TENM2: variants seen among roughly 807,000 people sequenced by gnomAD.
TENM2 encodes teneurin transmembrane protein 2.
Under a neutral mutation model 245.2 loss-of-function variants are expected in TENM2, and 52 were observed. The ratio of observed to expected loss-of-function variants is 0.21; its 90% CI spans 0.17 to 0.27. The LOEUF is 0.27. Among genes scored for constraint, TENM2 ranks in the 10% least tolerant of loss-of-function variants. The pLI, the probability that TENM2 is intolerant of heterozygous loss-of-function variation, is 1.00. For synonymous variants in TENM2, 1,363 were observed against 1,438.9 expected (o/e 0.95, Z 1.19); for missense variants, 3,046 against 3,666.8 (o/e 0.83, Z 4.37).
At chr5:167,518,328 C>A (rs1770533014) in intron 2 of TENM2, among the ~76,000 whole-genome samples, 1 of 152,084 alleles carries the variant, frequency 6.6e-6, no homozygotes, top group African/African-American at 2.4e-5. Context: ...ATCCCCAAAT[C>A]AAAACTTACC....
At chr5:167,688,699 A>G (rs1757233300) in intron 2 of TENM2, among the ~76,000 whole-genome samples, 2 of 152,232 alleles carry the variant, frequency 1.3e-5, no homozygotes, top group Admixed American at 1.3e-4. Context: ...TTTCTGTAGC[A>G]GTTTTTACAT....
chr5:167,089,281 T>A, the TENM2 span, among the ~76,000 whole-genome samples: 1 of 152,220 alleles, frequency 6.6e-6, no homozygotes, highest in East Asian at 1.9e-4. Context: ...TGATATGGGT[T>A]ATTTTTAATT....
At chr5:168,075,787 G>A (rs1791413822) in intron 7 of TENM2, among the ~76,000 whole-genome samples, 1 of 152,202 alleles carries the variant, frequency 6.6e-6, no homozygotes, top group African/African-American at 2.4e-5. Flanking sequence ...GTTCCACATG[G>A]CTGGGGAGGC....
At chr5:167,190,311 A>C in the TENM2 span, among the ~76,000 whole-genome samples, 2 of 152,118 alleles carry the variant, frequency 1.3e-5, no homozygotes, top group Non-Finnish European at 2.9e-5. Flanking sequence ...GAACAGGACC[A>C]GGGTTGTTTT....
chr5:167,273,913 G>A, the TENM2 span, among the ~76,000 whole-genome samples: 2 of 152,004 alleles, frequency 1.3e-5, no homozygotes, highest in African/African-American at 4.8e-5. Flanking sequence ...TTTAAAGTAG[G>A]CTTTGTACTT....
At chr5:168,066,294 A>T (rs1218567736) in intron 7 of TENM2, among the ~76,000 whole-genome samples, 1 of 152,180 alleles carries the variant, frequency 6.6e-6, no homozygotes, top group Non-Finnish European at 1.5e-5. Context: ...TTCTTATATC[A>T]ACCAAAGCAG....
At chr5:167,939,502 A>G (rs1357839059) in intron 3 of TENM2, among the ~76,000 whole-genome samples, 2 of 152,172 alleles carry the variant, frequency 1.3e-5, no homozygotes, top group African/African-American at 4.8e-5. Context: ...TCCAAGCTCT[A>G]TTTCCCCATG....
chr5:167,153,633 C>A, the TENM2 span, among the ~76,000 whole-genome samples: 2 of 151,464 alleles, frequency 1.3e-5, no homozygotes, highest in African/African-American at 4.9e-5. Flanking sequence ...TCAACTCTCT[C>A]TATATATTTC....
At chr5:167,956,189 C>A (rs1156416463) in intron 4 of TENM2, among the ~76,000 whole-genome samples, 1 of 152,094 alleles carries the variant, frequency 6.6e-6, no homozygotes, top group Non-Finnish European at 1.5e-5. Context: ...CTTCACATCC[C>A]TTGTAAGTTG....
Position 167,979,277 on chromosome 5 carries a change from G to A in TENM2, c.948-13667G>A, listed in dbSNP as rs116453617. ...GGGGATCAACATAGGATTTTTCCAA[G>A]ATTAAAACCATTCTATCATATTCTA... On this transcript the variant is annotated intron_variant, in intron 4 of 28. Coordinates refer to ENST00000518659, the Ensembl canonical transcript of TENM2. 4.2e-3 allele frequency among the ~76,000 whole-genome samples: 646 copies of A among 152,244 alleles called. 6 individuals carry two copies. The highest frequency in any genetic ancestry group is 0.015 in the African/African-American group (622 of 41,544).
At chr5:168,133,545 C>G (rs939759506) in intron 12 of TENM2, among the ~76,000 whole-genome samples, 1 of 152,188 alleles carries the variant, frequency 6.6e-6, no homozygotes, top group Non-Finnish European at 1.5e-5. Context: ...CCATAATATA[C>G]ACTAAAGACT....
At chr5:167,838,438 C>G (rs1315467189) in intron 2 of TENM2, among the ~76,000 whole-genome samples, 3 of 152,106 alleles carry the variant, frequency 2.0e-5, no homozygotes. Flanking sequence ...TGGACTAGTT[C>G]AACAGGGACA....
chr5:167,824,517 G>A (rs1244125897), intron 2 of TENM2, among the ~76,000 whole-genome samples: 1 of 152,226 alleles, frequency 6.6e-6, no homozygotes, highest in Admixed American at 6.5e-5. Context: ...GAAGCCAAGG[G>A]GCAGGGGTCT....
intron 2 of TENM2, among the ~76,000 whole-genome samples, chr5:167,562,957 CAAAA>C (rs58779751): frequency 5.2e-5 from 4 of 77,586 alleles, no homozygotes; most frequent in Admixed American, 1.4e-4. Context: ...AATTCTGTCT[CAAAA>C]AAAAAAAAAA....
intron 2 of TENM2, among the ~76,000 whole-genome samples, chr5:167,833,600 G>A (rs1389812710): frequency 2.0e-5 from 3 of 152,126 alleles, no homozygotes; most frequent in Non-Finnish European, 2.9e-5. Context: ...CGTAATCAGC[G>A]GCCTAGATTT....
At chr5:168,081,264 T>G (rs921819159) in intron 7 of TENM2, among the ~76,000 whole-genome samples, 3 of 152,168 alleles carry the variant, frequency 2.0e-5, no homozygotes, top group African/African-American at 7.2e-5. Context: ...CCCTGCTATT[T>G]TTTTGTTTTC....
At chr5:167,205,630 T>C in the TENM2 span, among the ~76,000 whole-genome samples, 1 of 152,176 alleles carries the variant, frequency 6.6e-6, no homozygotes, top group African/African-American at 2.4e-5. Context: ...CTACTGCTGC[T>C]TAACAAAATT....
At chr5:167,687,469 C>G (rs568207748) in intron 2 of TENM2, among the ~76,000 whole-genome samples, 1 of 152,218 alleles carries the variant, frequency 6.6e-6, no homozygotes, top group East Asian at 1.9e-4. Context: ...ACTTAGTTAT[C>G]TGGGAAAAAC....
In TENM2 at chr5:168,207,727, G is replaced by GTGCCCATCCCTATCTCGCTTACCCA. The variant is rs1208511545; in HGVS notation, c.3824+3107_3824+3131dup. On this transcript the variant is annotated intron_variant, in intron 19 of 28. Transcript: ENST00000518659. ...CTGAATGATTCCATTTCGGGAGTCA[G>GTGCCCATCCCTATCTCGCTTACCCA]TGCCCATCCCTATCTCGCTTACCCA... Among the ~76,000 whole-genome samples the GTGCCCATCCCTATCTCGCTTACCCA allele has an allele frequency of 2.6e-5, 4 of 152,232 alleles. No individual in the cohort carries two copies. In the East Asian group the frequency reaches 7.7e-4, roughly 29 times the overall value.
Sources: gnomAD v4.1 joint callset for allele counts (sites outside exome capture counted in the v4.1 genomes callset) on GRCh38, gnomAD v4.1.1 for gene constraint, MANE v1.5 for transcripts, NCBI Gene and HGNC (gene_info 2026-07-23, HGNC 2026-07-21) for gene names.